NFIA: variants seen among roughly 807,000 people sequenced by gnomAD.
NFIA encodes the protein nuclear factor 1 A-type.
NFIA carries 8 observed loss-of-function variants against 62.8 expected under a neutral mutation model. The ratio of observed to expected loss-of-function variants is 0.13; its 90% CI spans 0.07 to 0.23. The LOEUF (loss-of-function observed/expected upper bound fraction) is 0.23. Among genes scored for constraint, NFIA ranks in the 10% least tolerant of loss-of-function variants. NFIA has a pLI of 1.00. For synonymous variants in NFIA, 235 were observed against 238.1 expected (o/e 0.99, Z 0.12); for missense variants, 410 against 642.1 (o/e 0.64, Z 3.91).
intron 2 of NFIA, among the ~76,000 whole-genome samples, chr1:61,141,432 T>C (rs530387081): frequency 6.6e-6 from 1 of 151,894 alleles, no homozygotes; most frequent in South Asian, 2.1e-4. Flanking sequence ...AAAAAAACCA[T>C]GTCTTTTAAA....
intron 3 of NFIA, among the ~76,000 whole-genome samples, chr1:61,317,529 C>CT (rs1186303143): frequency 6.6e-6 from 1 of 151,806 alleles, no homozygotes; most frequent in African/African-American, 2.4e-5. Context: ...AGCTTAGAGA[C>CT]TAAGTACTGT....
intron 2 of NFIA, among the ~76,000 whole-genome samples, chr1:61,101,837 G>T (rs1646517828): frequency 6.6e-6 from 1 of 152,204 alleles, no homozygotes; most frequent in Non-Finnish European, 1.5e-5. Context: ...GGTCTTATAA[G>T]TGTGAGCATG....
chr1:61,209,268 C>G (rs1653089959), intron 2 of NFIA, among the ~76,000 whole-genome samples: 1 of 152,102 alleles, frequency 6.6e-6, no homozygotes, highest in African/African-American at 2.4e-5. Flanking sequence ...GCAACCTGTT[C>G]ATTGTGTAAA....
chr1:61,339,007 A>G (rs571200952), intron 4 of NFIA, among the ~76,000 whole-genome samples: 1 of 152,350 alleles, frequency 6.6e-6, no homozygotes, highest in African/African-American at 2.4e-5. Flanking sequence ...ATAATAAAAA[A>G]TAGATTGCAG....
chr1:61,305,973 G>A (rs2806434), intron 3 of NFIA, among the ~76,000 whole-genome samples: 70,483 of 150,858 alleles, frequency 0.47, 18,898 homozygotes, highest in Admixed American at 0.66. Flanking sequence ...TCAGCCTCCC[G>A]AGTAGCTGGG....
chr1:61,381,312 T>A (rs988984795), intron 6 of NFIA, among the ~76,000 whole-genome samples: 2 of 152,280 alleles, frequency 1.3e-5, no homozygotes, highest in South Asian at 4.1e-4. Context: ...TCATTTTTTT[T>A]ATTTGAAATC....
chr1:61,289,400 G>A (rs1034902430), intron 3 of NFIA, among the ~76,000 whole-genome samples: 4 of 152,160 alleles, frequency 2.6e-5, no homozygotes, highest in Admixed American at 2.0e-4. Context: ...GGTGCTATTA[G>A]TGTGCCCATT....
intron 4 of NFIA, among the ~76,000 whole-genome samples, chr1:61,341,984 G>T (rs1170799244): frequency 2.0e-5 from 3 of 152,126 alleles, no homozygotes; most frequent in Non-Finnish European, 2.9e-5. Flanking sequence ...GCTAACTCTT[G>T]CCGAGTAGAA....
At chr1:61,386,564 C>A (rs112086233) in intron 7 of NFIA, among the ~76,000 whole-genome samples, 1,555 of 152,266 alleles carry the variant, frequency 0.01, 16 homozygotes, top group African/African-American at 0.036. Context: ...CTGTCCAACA[C>A]ACATCCACGC....
At chr1:61,356,523 C>T (rs557280175) in intron 5 of NFIA, among the ~76,000 whole-genome samples, 1 of 152,258 alleles carries the variant, frequency 6.6e-6, no homozygotes, top group Admixed American at 6.5e-5. Context: ...ATATAGTTTG[C>T]ATTTCTAATA....
chr1:61,124,298 T>C (rs540770812), intron 2 of NFIA, among the ~76,000 whole-genome samples: 1 of 152,318 alleles, frequency 6.6e-6, no homozygotes, highest in South Asian at 2.1e-4. Flanking sequence ...CTAGGCATTG[T>C]GGATCCATAG....
intron 4 of NFIA, among the ~76,000 whole-genome samples, chr1:61,334,858 C>T (rs990053551): frequency 6.6e-6 from 1 of 151,950 alleles, no homozygotes; most frequent in Admixed American, 6.6e-5. Flanking sequence ...CCCAGCCTCT[C>T]CTCCTCCTTC....
intron 2 of NFIA, among the ~76,000 whole-genome samples, chr1:61,170,162 A>G (rs1649856705): frequency 6.6e-6 from 1 of 152,136 alleles, no homozygotes; most frequent in African/African-American, 2.4e-5. Context: ...TGCATAGACA[A>G]CTGTCTGACT....
chr1:61,385,558 A>G (rs1278962592), intron 7 of NFIA, among the ~76,000 whole-genome samples: 1 of 152,200 alleles, frequency 6.6e-6, no homozygotes, highest in East Asian at 1.9e-4. Flanking sequence ...AGCATAATGC[A>G]ATCTGTATAT....
rs1210244059 is a variant in NFIA, at chr1:61,462,111, G to T, written c.*6791G>T. On this transcript the variant is annotated 3_prime_UTR_variant, in exon 11 of 11. Coordinates refer to ENST00000403491, the MANE Select transcript of NFIA (RefSeq NM_001134673.4). ...CGAAGGTCATAAGGCCGCTAGCTCC[G>T]CTGGGACAGAGGCTTGAGAGAACTA... 2 of 133,654 alleles carry T rather than the reference G, an allele frequency of 1.5e-5. No individual in the cohort carries two copies. The highest frequency in any genetic ancestry group is 9.0e-5 in the Admixed American group (1 of 11,078). The allele number at this position is 133,654 out of a possible 1,614,324, so 8.3% of individuals were successfully genotyped here.
At chr1:61,234,747 T>G (rs898390447) in intron 2 of NFIA, among the ~76,000 whole-genome samples, 5 of 152,228 alleles carry the variant, frequency 3.3e-5, no homozygotes, top group African/African-American at 1.2e-4. Flanking sequence ...TTTAATGGTC[T>G]GAGAGCGGAT....
intron 2 of NFIA, among the ~76,000 whole-genome samples, chr1:61,173,715 A>T (rs144665161): frequency 6.6e-6 from 1 of 151,788 alleles, no homozygotes; most frequent in East Asian, 1.9e-4. Flanking sequence ...GTTTTCTCTC[A>T]CCTCTCTGGC....
At chr1:61,260,320 CTA>C (rs1233199403) in intron 2 of NFIA, among the ~76,000 whole-genome samples, 11 of 152,196 alleles carry the variant, frequency 7.2e-5, no homozygotes, top group African/African-American at 2.2e-4. Context: ...GCGCCAGAGA[CTA>C]TGTCACTGTT....
chr1:61,310,669 C>G (rs903685551), intron 3 of NFIA, among the ~76,000 whole-genome samples: 1 of 152,168 alleles, frequency 6.6e-6, no homozygotes, highest in African/African-American at 2.4e-5. Context: ...CTCCAGCCAT[C>G]ACAAACCAAA....
Sources: allele counts gnomAD v4.1 joint callset (sites outside exome capture counted in the v4.1 genomes callset), GRCh38; gene constraint gnomAD v4.1.1; transcripts MANE v1.5; gene names NCBI Gene and HGNC (gene_info 2026-07-23, HGNC 2026-07-21).